The following PARD3 variants were observed in gnomAD, a reference collection of about 807,000 sequenced individuals.
The protein encoded by PARD3 is partitioning defective 3 homolog.
A neutral mutation model predicts 155.4 loss-of-function variants in PARD3; 75 were observed. The observed-to-expected ratio is 0.48, with a 90% CI of 0.40 to 0.58. PARD3 has a LOEUF of 0.58. Ranked by LOEUF, PARD3 falls within the 20% of genes least tolerant of loss-of-function variation. The pLI, the probability that PARD3 is intolerant of heterozygous loss-of-function variation, is 0.00. For missense variants in PARD3, 1,642 were observed against 1,721.7 expected, an observed-to-expected ratio of 0.95 and a Z score of 0.82; for synonymous variants, 576 against 610.5, an observed-to-expected ratio of 0.94 and a Z score of 0.83.
At position 34,158,002 on chromosome 10, in the gene PARD3, T is replaced by C. The variant is rs114344785; in HGVS notation, c.3420-26419A>G. Among the ~76,000 whole-genome samples the C allele has an allele frequency of 4.3e-3, 649 of 152,328 alleles. 4 individuals carry two copies. Among genetic ancestry groups the C allele is most frequent in the African/African-American group, 0.014 (587 of 41,578 alleles). ...GCAACAGATTATGAAATAAAACCAT[T>C]TCTATTTCCAACATACTCAAACATT... On this transcript the variant is annotated intron_variant, in intron 22 of 24. Transcript: ENST00000374788.
chr10:34,339,383 A>C (rs935003953), intron 16 of PARD3, among the ~76,000 whole-genome samples: 3 of 152,306 alleles, frequency 2.0e-5, no homozygotes, highest in Non-Finnish European at 2.9e-5. Flanking sequence ...CAAAACAAAA[A>C]AAACCTCAAC....
chr10:34,427,052 G>A (rs185409449), intron 5 of PARD3, among the ~76,000 whole-genome samples: 46 of 152,292 alleles, frequency 3.0e-4, no homozygotes, highest in Non-Finnish European at 5.3e-4. Context: ...TTTGTAAGCT[G>A]AGGATGTATG....
intron 2 of PARD3, among the ~76,000 whole-genome samples, chr10:34,647,374 C>A (rs974962854): frequency 6.6e-6 from 1 of 152,306 alleles, no homozygotes; most frequent in African/African-American, 2.4e-5. Flanking sequence ...GGGAAGGTCA[C>A]TTCAAAGTGT....
intron 20 of PARD3, among the ~76,000 whole-genome samples, chr10:34,295,365 G>A (rs1006371566): frequency 2.6e-5 from 4 of 152,202 alleles, no homozygotes; most frequent in African/African-American, 7.2e-5. Flanking sequence ...TTCAACAAGC[G>A]TCCAAATATA....
At chr10:34,413,235 G>T (rs1204566314) in intron 5 of PARD3, among the ~76,000 whole-genome samples, 1 of 151,088 alleles carries the variant, frequency 6.6e-6, no homozygotes, top group Non-Finnish European at 1.5e-5. Flanking sequence ...TAAAAAATAG[G>T]ACGGTAGGTA....
chr10:34,630,101 A>C (rs2092185995), intron 2 of PARD3, among the ~76,000 whole-genome samples: 1 of 152,178 alleles, frequency 6.6e-6, no homozygotes, highest in African/African-American at 2.4e-5. Flanking sequence ...GAGGAAATGG[A>C]GAAAGTGATC....
At chr10:34,252,394 G>GT (rs60597788) in intron 22 of PARD3, among the ~76,000 whole-genome samples, 23,429 of 152,064 alleles carry the variant, frequency 0.15, 2,442 homozygotes, top group African/African-American at 0.3. Flanking sequence ...TTATCTCCTC[G>GT]TCCTTCCTCT....
intron 2 of PARD3, among the ~76,000 whole-genome samples, chr10:34,659,599 C>A (rs946724627): frequency 1.3e-5 from 2 of 152,110 alleles, no homozygotes; most frequent in African/African-American, 4.8e-5. Flanking sequence ...TGTATGAATT[C>A]TTTTCCTTAA....
intron 5 of PARD3, among the ~76,000 whole-genome samples, chr10:34,450,052 A>G (rs2076975558): frequency 6.6e-6 from 1 of 152,178 alleles, no homozygotes; most frequent in Admixed American, 6.5e-5. Context: ...GTGCCTCTGT[A>G]GCATTACAAA....
intron 2 of PARD3, among the ~76,000 whole-genome samples, chr10:34,555,722 A>G (rs1224516327): frequency 6.6e-6 from 1 of 152,058 alleles, no homozygotes; most frequent in Admixed American, 6.5e-5. Context: ...CTCTGGTGGT[A>G]CCCTCCATTC....
At chr10:34,250,683 C>T (rs553574702) in intron 22 of PARD3, among the ~76,000 whole-genome samples, 1 of 150,750 alleles carries the variant, frequency 6.6e-6, no homozygotes, top group East Asian at 1.9e-4. Context: ...AAAAAAAAAT[C>T]ACTCAAGATG....
intron 6 of PARD3, 118 bp from the exon 7 acceptor site, chr10:34,399,531 C>G (rs1179721692): frequency 4.2e-6 from 3 of 705,996 alleles, no homozygotes; most frequent in Non-Finnish European, 7.6e-6. Flanking sequence ...CAAAAGAGAA[C>G]AGAACAAAAA....
At chr10:34,563,416 GA>G (rs2085663036) in intron 2 of PARD3, among the ~76,000 whole-genome samples, 1 of 152,082 alleles carries the variant, frequency 6.6e-6, no homozygotes, top group Non-Finnish European at 1.5e-5. Context: ...CACCAGGCTG[GA>G]CTGCAGTGGC....
At chr10:34,457,455 G>C (rs906945444) in intron 4 of PARD3, among the ~76,000 whole-genome samples, 1 of 152,184 alleles carries the variant, frequency 6.6e-6, no homozygotes, top group Non-Finnish European at 1.5e-5. Context: ...GAAGAAGCTA[G>C]ACAACAGCTA....
At chr10:34,707,965 T>C (rs1387855910) in intron 1 of PARD3, among the ~76,000 whole-genome samples, 1 of 152,238 alleles carries the variant, frequency 6.6e-6, no homozygotes, top group African/African-American at 2.4e-5. Context: ...AATACCCATT[T>C]GGGAATTACT....
intron 2 of PARD3, among the ~76,000 whole-genome samples, chr10:34,581,016 C>T (rs543156435): frequency 2.0e-5 from 3 of 152,204 alleles, no homozygotes; most frequent in South Asian, 2.1e-4. Flanking sequence ...TGTTTTCTTT[C>T]CCCCAACGAA....
chr10:34,150,295 C>T (rs1003452452), intron 22 of PARD3, among the ~76,000 whole-genome samples: 1 of 152,130 alleles, frequency 6.6e-6, no homozygotes, highest in South Asian at 2.1e-4. Flanking sequence ...CCCATGCCTG[C>T]AGCTCAGGAG....
In PARD3 at chr10:34,507,548, C is replaced by CAAAAAAAAAAAAAA. The variant is rs374421524; in HGVS notation, c.403+9430_403+9431insTTTTTTTTTTTTTT. Among the ~76,000 whole-genome samples, 185 of 42,902 alleles carry CAAAAAAAAAAAAAA rather than the reference C, an allele frequency of 4.3e-3. 5 individuals are homozygous for CAAAAAAAAAAAAAA. The highest frequency in any genetic ancestry group is 0.021 in the African/African-American group (183 of 8,852). 28.1% of individuals were successfully genotyped at this position (42,902 alleles called of 152,430 possible). A position where few individuals can be genotyped will look rare whatever the true frequency, so the allele number is the denominator to read the frequency against. ...GTGACATTCAGATCAATTAAAAAAA[C>CAAAAAAAAAAAAAA]AAAAAAAAAAAAACAAAAAAGGAGA... is the stretch of plus-strand genomic sequence containing the variant. On this transcript the variant is annotated intron_variant, in intron 3 of 24. Transcript: ENST00000374788.
intron 2 of PARD3, among the ~76,000 whole-genome samples, chr10:34,605,295 C>A (rs2090151633): frequency 7.0e-6 from 1 of 143,146 alleles, no homozygotes. Flanking sequence ...GGGGTTCACG[C>A]CATTCTCCTG....
Sources: gnomAD v4.1 joint callset for allele counts (sites outside exome capture counted in the v4.1 genomes callset) on GRCh38, gnomAD v4.1.1 for gene constraint, MANE v1.5 for transcripts, NCBI Gene and HGNC (gene_info 2026-07-23, HGNC 2026-07-21) for gene names.